Variants in ARHGAP10 observed in about 807,000 individuals in gnomAD.
ARHGAP10 encodes the protein rho GTPase-activating protein 10.
ARHGAP10 carries 87 observed loss-of-function variants against 108.6 expected under a neutral mutation model. That is an observed-to-expected ratio of 0.80 (90% CI 0.67 to 0.96). ARHGAP10 has a LOEUF of 0.96. Ranked by LOEUF, ARHGAP10 falls within the 40% of genes least tolerant of loss-of-function variation. ARHGAP10 has a pLI of 0.00. For missense variants in ARHGAP10, 939 were observed against 954.5 expected, an observed-to-expected ratio of 0.98 and a Z score of 0.21; for synonymous variants, 347 against 341.1, an observed-to-expected ratio of 1.02 and a Z score of -0.19.
chr4:147,774,197 A>G (rs558394894), intron 1 of ARHGAP10, among the ~76,000 whole-genome samples: 1 of 152,228 alleles, frequency 6.6e-6, no homozygotes, highest in Admixed American at 6.5e-5. Context: ...ATCTTGGTAC[A>G]TGTTAAATTC....
At chr4:147,871,060 C>T (rs947843672) in intron 7 of ARHGAP10, among the ~76,000 whole-genome samples, 1 of 151,716 alleles carries the variant, frequency 6.6e-6, no homozygotes, top group Admixed American at 6.6e-5. Flanking sequence ...CCTGGGTTCA[C>T]GCCATTCTCC....
intron 5 of ARHGAP10, 156 bp downstream of exon 5, chr4:147,857,810 G>T: frequency 3.4e-6 from 2 of 585,474 alleles, no homozygotes; most frequent in Non-Finnish European, 5.0e-6. Context: ...AAAAGTCCTT[G>T]TGAAACAAGA....
chr4:147,835,578 T>G (rs1425026837), intron 3 of ARHGAP10, among the ~76,000 whole-genome samples: 1 of 152,206 alleles, frequency 6.6e-6, no homozygotes, highest in Non-Finnish European at 1.5e-5. Flanking sequence ...TTCACCATGT[T>G]GGCCAGGCTG....
intron 16 of ARHGAP10, among the ~76,000 whole-genome samples, chr4:147,955,984 T>C (rs1738773435): frequency 6.6e-6 from 1 of 152,174 alleles, no homozygotes; most frequent in Non-Finnish European, 1.5e-5. Flanking sequence ...TTGTTTTCTG[T>C]TATATGGCTC....
At position 147,881,735 on chromosome 4, in the gene ARHGAP10, T is replaced by C; in HGVS notation, c.940-103T>C. 5.5e-6 allele frequency: 5 copies of C among 916,276 alleles called. No homozygotes were observed. In the South Asian group the frequency reaches 8.4e-5, roughly 15 times the overall value. 56.8% of individuals were successfully genotyped at this position (916,276 alleles called of 1,614,324 possible). On this transcript the variant is annotated intron_variant, in intron 9 of 22. Coordinates refer to ENST00000336498, the MANE Select transcript of ARHGAP10 (RefSeq NM_024605.4). Reference sequence around the variant, plus strand: ...AAGAGGATAGGGTAAAGAGAAGGACTTAAGATCTTGAACCTTGCTCCCCTG... The same window carrying C: ...AAGAGGATAGGGTAAAGAGAAGGACCTAAGATCTTGAACCTTGCTCCCCTG...
At chr4:147,872,589 C>T (rs950381943) in intron 7 of ARHGAP10, among the ~76,000 whole-genome samples, 14 of 152,156 alleles carry the variant, frequency 9.2e-5, no homozygotes, top group African/African-American at 3.1e-4. Context: ...GACTACTAAT[C>T]GCCTACTGTT....
At chr4:147,748,151 G>C (rs1009594555) in intron 1 of ARHGAP10, among the ~76,000 whole-genome samples, 2 of 152,188 alleles carry the variant, frequency 1.3e-5, no homozygotes, top group African/African-American at 2.4e-5. Flanking sequence ...GTTATGCTAA[G>C]ACAATAACCA....
chr4:147,950,123 A>G (rs561230814), intron 15 of ARHGAP10, among the ~76,000 whole-genome samples: 48 of 152,330 alleles, frequency 3.2e-4, no homozygotes, highest in African/African-American at 1.2e-3. Flanking sequence ...CAAAATACAC[A>G]TTCTGCCTGA....
chr4:147,914,516 C>T (rs1453515902), intron 13 of ARHGAP10, among the ~76,000 whole-genome samples: 1 of 150,940 alleles, frequency 6.6e-6, no homozygotes, highest in Non-Finnish European at 1.5e-5. Flanking sequence ...AGCCACCATG[C>T]TTGTCCCTGA....
intron 1 of ARHGAP10, among the ~76,000 whole-genome samples, chr4:147,820,511 C>A (rs1036376564): frequency 6.6e-6 from 1 of 151,324 alleles, no homozygotes; most frequent in African/African-American, 2.4e-5. Flanking sequence ...GTCTCCACCT[C>A]CTGACCTCAG....
chr4:147,776,362 G>T (rs1385192467), intron 1 of ARHGAP10, among the ~76,000 whole-genome samples: 4 of 152,124 alleles, frequency 2.6e-5, no homozygotes, highest in African/African-American at 9.7e-5. Context: ...TGGAATTACA[G>T]GAACGCGTCA....
intron 18 of ARHGAP10, among the ~76,000 whole-genome samples, chr4:148,006,249 C>T (rs966621798): frequency 3.9e-5 from 6 of 152,160 alleles, no homozygotes; most frequent in East Asian, 3.9e-4. Context: ...GAGAGATACC[C>T]GGCCTGCCCT....
intron 1 of ARHGAP10, among the ~76,000 whole-genome samples, chr4:147,751,704 C>A (rs1729158927): frequency 6.6e-6 from 1 of 150,740 alleles, no homozygotes; most frequent in Non-Finnish European, 1.5e-5. Context: ...GTTTCAGAGA[C>A]TGTGCCCAGT....
intron 1 of ARHGAP10, among the ~76,000 whole-genome samples, chr4:147,802,927 G>A (rs1054197121): frequency 3.3e-5 from 5 of 152,266 alleles, no homozygotes; most frequent in African/African-American, 1.2e-4. Flanking sequence ...CTGTGTGGAA[G>A]TGCGGACTGT....
chr4:147,860,395 T>C (rs1197148848), intron 5 of ARHGAP10, among the ~76,000 whole-genome samples: 3 of 152,146 alleles, frequency 2.0e-5, no homozygotes. Flanking sequence ...TGAGCCGAGA[T>C]GGGGCCACTG....
At chr4:147,857,787 C>A in intron 5 of ARHGAP10, 133 bp downstream of exon 5, 3 of 775,018 alleles carry the variant, frequency 3.9e-6, no homozygotes, top group Non-Finnish European at 3.5e-6. Context: ...CAGGTATTGT[C>A]ATAAATTAAG....
intron 1 of ARHGAP10, among the ~76,000 whole-genome samples, chr4:147,806,031 A>G (rs1483690174): frequency 6.6e-6 from 1 of 152,110 alleles, no homozygotes. Context: ...TTATAATAAA[A>G]TTTTTATTTA....
intron 1 of ARHGAP10, among the ~76,000 whole-genome samples, chr4:147,820,443 G>A (rs560362467): frequency 2.9e-4 from 44 of 151,786 alleles, no homozygotes; most frequent in Non-Finnish European, 5.4e-4. Context: ...CCGCCACCAC[G>A]CCCGGCTAAT....
At chr4:147,767,926 T>C (rs1729900497) in intron 1 of ARHGAP10, among the ~76,000 whole-genome samples, 2 of 152,148 alleles carry the variant, frequency 1.3e-5, no homozygotes, top group South Asian at 4.1e-4. Context: ...GGAGCAAAGA[T>C]ATGAGATTAT....
Sources: allele counts gnomAD v4.1 joint callset (sites outside exome capture counted in the v4.1 genomes callset), GRCh38; gene constraint gnomAD v4.1.1; transcripts MANE v1.5; gene names NCBI Gene and HGNC (gene_info 2026-07-23, HGNC 2026-07-21).